The following FRMPD1 variants were observed in gnomAD, a reference collection of about 807,000 sequenced individuals.
FRMPD1 encodes the protein FERM and PDZ domain-containing protein 1.
FRMPD1 carries 76 observed loss-of-function variants against 117.8 expected under a neutral mutation model. That is an observed-to-expected ratio of 0.65 (90% CI 0.54 to 0.78). The LOEUF (loss-of-function observed/expected upper bound fraction) is 0.78. FRMPD1 is among the 30% of genes least tolerant of loss of function. The pLI, the probability that FRMPD1 is intolerant of heterozygous loss-of-function variation, is 0.00. For synonymous variants in FRMPD1, 783 were observed against 770.4 expected, an observed-to-expected ratio of 1.02 and a Z score of -0.27; for missense variants, 1,786 against 1,964.5, an observed-to-expected ratio of 0.91 and a Z score of 1.72.
chr9:37,655,173 TTC>T (rs1249684671), intron 1 of FRMPD1, among the ~76,000 whole-genome samples: 3 of 152,166 alleles, frequency 2.0e-5, no homozygotes, highest in Admixed American at 6.5e-5. Context: ...TGTCTGTGCC[TTC>T]TCCCTTGTTC....
At chr9:37,720,390 G>T (rs528635188) in intron 6 of FRMPD1, among the ~76,000 whole-genome samples, 313 of 152,072 alleles carry the variant, frequency 2.1e-3, no homozygotes, top group Non-Finnish European at 3.8e-3. Context: ...ACCGGCCGGG[G>T]GCGGTGGCTC....
rs1305300622 is a variant in FRMPD1, at chr9:37,733,492, A to G, written c.1015A>G (p.Asn339Asp). The G allele has an allele frequency of 1.2e-6, 2 of 1,613,746 alleles. No individual in the cohort carries two copies. Among genetic ancestry groups the G allele is most frequent in the Non-Finnish European group, 1.7e-6 (2 of 1,179,820 alleles). Residue 339 changes from asparagine to aspartate, a missense_variant, in exon 11 of 16, where the codon AAC (asparagine) becomes GAC (aspartate). Transcript: ENST00000377765. Reference sequence around the variant, plus strand: ...TGGCAGGAAAGACTGGGGAATAGAGAACTTTATATCTCCAACTTTACTCCG... The same window carrying G: ...TGGCAGGAAAGACTGGGGAATAGAGGACTTTATATCTCCAACTTTACTCCG... ...KYIEKDWGIE[N>D]FISPTLLRNM...
intron 2 of FRMPD1, among the ~76,000 whole-genome samples, chr9:37,697,819 A>G (rs141905513): frequency 6.9e-4 from 105 of 152,316 alleles, no homozygotes; most frequent in African/African-American, 2.3e-3. Context: ...TTTCCACTTA[A>G]TATTACCAGT....
the FRMPD1 span, among the ~76,000 whole-genome samples, chr9:37,638,568 C>T: frequency 6.6e-6 from 1 of 152,152 alleles, no homozygotes; most frequent in Admixed American, 6.5e-5. Context: ...TGTATCATCC[C>T]AGAGAGGGGG....
rs2274325 is a variant in FRMPD1 at position 37,730,007 on chromosome 9, A to G, written c.738+154A>G. 2.4e-3 allele frequency among the ~76,000 whole-genome samples: 363 copies of G among 152,316 alleles called. 9 individuals are homozygous for G. In the East Asian group the frequency reaches 0.063, roughly 27 times the overall value. On this transcript the variant is annotated intron_variant, in intron 8 of 15. Transcript: ENST00000377765. ...ACAGAGCTCACTCAGCCTGGGGGTT[A>G]TGGGACAAGAATCAGCCTGATTTTC...
At chr9:37,616,117 CTTTT>C in the FRMPD1 span, among the ~76,000 whole-genome samples, 2 of 96,762 alleles carry the variant, frequency 2.1e-5, no homozygotes, top group Admixed American at 1.3e-4. Context: ...GTGCCCAGCC[CTTTT>C]TTTTTTTTTT....
At chr9:37,693,609 A>T (rs1332866550) in intron 2 of FRMPD1, among the ~76,000 whole-genome samples, 1 of 152,172 alleles carries the variant, frequency 6.6e-6, no homozygotes. Context: ...CTCTTACCCA[A>T]TGCTCAGAAA....
At chr9:37,655,446 C>A (rs1820810648) in intron 1 of FRMPD1, among the ~76,000 whole-genome samples, 1 of 150,748 alleles carries the variant, frequency 6.6e-6, no homozygotes, top group Admixed American at 6.6e-5. Context: ...GCATGATGGG[C>A]TACCTCCATC....
chr9:37,716,194 C>T (rs891239257), intron 5 of FRMPD1, among the ~76,000 whole-genome samples: 3 of 152,178 alleles, frequency 2.0e-5, no homozygotes, highest in Non-Finnish European at 2.9e-5. Context: ...ATCACACTGT[C>T]GGCTTGGGTG....
intron 7 of FRMPD1, among the ~76,000 whole-genome samples, 196 bp downstream of exon 7, chr9:37,724,516 C>T (rs971680247): frequency 3.9e-5 from 6 of 151,982 alleles, no homozygotes; most frequent in African/African-American, 7.3e-5. Flanking sequence ...TTACCACCAT[C>T]GTAACTGGGT....
At chr9:37,697,214 GT>G (rs1822350428) in intron 2 of FRMPD1, among the ~76,000 whole-genome samples, 1 of 152,132 alleles carries the variant, frequency 6.6e-6, no homozygotes, top group Non-Finnish European at 1.5e-5. Flanking sequence ...ATGGGAAATT[GT>G]GCAGATATGA....
Position 37,704,733 on chromosome 9 carries a change from G to A in FRMPD1, c.102-2683G>A, listed in dbSNP as rs529899913. On this transcript the variant is annotated intron_variant, in intron 2 of 15. Coordinates refer to ENST00000377765, the MANE Select transcript of FRMPD1 (RefSeq NM_014907.3). The stretch of plus-strand genomic sequence containing the variant: ...ATAAATGTTATTAATTATTATTGTC[G>A]TTATTGCTGTGATTACCATCAATTT... 2.2e-4 allele frequency among the ~76,000 whole-genome samples: 34 copies of A among 151,358 alleles called. No homozygotes were observed. The South Asian group carries it at 3.7e-3, about 17-fold the overall frequency.
chr9:37,701,484 TGTGTGCGCGC>T (rs1822528527), intron 2 of FRMPD1, among the ~76,000 whole-genome samples: 1 of 114,798 alleles, frequency 8.7e-6, no homozygotes, highest in Non-Finnish European at 2.1e-5. Context: ...TGTGTGTGTG[TGTGTGCGCGC>T]GTGTGTGTGC....
chr9:37,735,805 A>G (rs986520203), intron 13 of FRMPD1, 71 bp downstream of exon 13: 2 of 1,014,272 alleles, frequency 2.0e-6, no homozygotes, highest in Admixed American at 4.7e-5. Context: ...AGGCTAGTTT[A>G]TATGAATTTT....
chr9:37,626,382 G>A, the FRMPD1 span, among the ~76,000 whole-genome samples: 2 of 150,972 alleles, frequency 1.3e-5, no homozygotes, highest in South Asian at 4.2e-4. Flanking sequence ...GCACGTGTCT[G>A]TAGTCCCAGC....
chr9:37,645,393 C>T, the FRMPD1 span, among the ~76,000 whole-genome samples: 1 of 152,088 alleles, frequency 6.6e-6, no homozygotes, highest in Non-Finnish European at 1.5e-5. Context: ...CCAGTTTTAT[C>T]AAGGAGCAGA....
the FRMPD1 span, among the ~76,000 whole-genome samples, chr9:37,630,326 T>A: frequency 6.6e-6 from 1 of 152,154 alleles, no homozygotes; most frequent in Non-Finnish European, 1.5e-5. Context: ...TAGAAGCTAT[T>A]CTGTGTAAGG....
At chr9:37,718,813 CTT>C (rs1177408706) in intron 5 of FRMPD1, among the ~76,000 whole-genome samples, 10 of 152,236 alleles carry the variant, frequency 6.6e-5, no homozygotes, top group African/African-American at 2.2e-4. Context: ...GGCCAGAACT[CTT>C]TGTCTTCATC....
At chr9:37,612,589 G>T in the FRMPD1 span, among the ~76,000 whole-genome samples, 1 of 147,948 alleles carries the variant, frequency 6.8e-6, no homozygotes, top group African/African-American at 2.5e-5. Context: ...CACGATCTCA[G>T]CTCACTGCAA....
Sources: allele counts gnomAD v4.1 joint callset (sites outside exome capture counted in the v4.1 genomes callset), GRCh38; gene constraint gnomAD v4.1.1; transcripts MANE v1.5; gene names NCBI Gene and HGNC (gene_info 2026-07-23, HGNC 2026-07-21).